HERC6: variants seen among roughly 807,000 people sequenced by gnomAD.
HERC6 encodes probable E3 ubiquitin-protein ligase HERC6.
HERC6 carries 101 observed loss-of-function variants against 114.5 expected under a neutral mutation model. That is an observed-to-expected ratio of 0.88 (90% CI 0.75 to 1.04). The LOEUF (loss-of-function observed/expected upper bound fraction) is 1.04, where lower values mean the gene tolerates loss of function less well. Ranked by LOEUF, HERC6 falls within the 50% of genes least tolerant of loss-of-function variation. The pLI, the probability that HERC6 is intolerant of heterozygous loss-of-function variation, is 0.00. For missense variants in HERC6, 1,133 were observed against 1,230.9 expected (o/e 0.92, Z 1.19); for synonymous variants, 408 against 436.2 (o/e 0.94, Z 0.81).
chr4:88,419,674 G>A (rs1306777108), intron 13 of HERC6, among the ~76,000 whole-genome samples: 4 of 152,050 alleles, frequency 2.6e-5, no homozygotes, highest in Non-Finnish European at 1.5e-5. Context: ...GATACCTGAA[G>A]GATTTATGCT....
At chr4:88,383,519 A>C in intron 2 of HERC6, 139 bp downstream of exon 2, 1 of 619,202 alleles carries the variant, frequency 1.6e-6, no homozygotes, top group Non-Finnish European at 2.5e-6. Flanking sequence ...AACACTTTGG[A>C]AGGCTAAGGT....
In HERC6 at chr4:88,442,740, C is replaced by T. The variant is rs1459078135; in HGVS notation, c.*280C>T. Reference sequence around the variant, plus strand: ...GCCTGTGATTGGTCCATTCCAGGACCTTCATTTGCATAAGGTATCAAACCA... The same window carrying T: ...GCCTGTGATTGGTCCATTCCAGGACTTTCATTTGCATAAGGTATCAAACCA... On this transcript the variant is annotated 3_prime_UTR_variant, in exon 23 of 23. Coordinates refer to ENST00000264346, the MANE Select transcript of HERC6 (RefSeq NM_017912.4). 6.6e-6 allele frequency: 3 copies of T among 451,396 alleles called. No individual in the cohort carries two copies. The highest frequency in any genetic ancestry group is 7.0e-5 in the Admixed American group (2 of 28,776). 28.0% of individuals were successfully genotyped at this position (451,396 alleles called of 1,614,324 possible). A position where few individuals can be genotyped will look rare whatever the true frequency, so the allele number is the denominator to read the frequency against.
chr4:88,397,128 T>G (rs1475986318), intron 7 of HERC6, 141 bp downstream of exon 7: 1 of 673,512 alleles, frequency 1.5e-6, no homozygotes. Flanking sequence ...TTATTTTTTT[T>G]TGAGATGGAG....
At chr4:88,394,474 CAAAAAAAAAAA>C (rs781425955) in intron 5 of HERC6, among the ~76,000 whole-genome samples, 6 of 42,898 alleles carry the variant, frequency 1.4e-4, no homozygotes, top group Non-Finnish European at 2.8e-4. Flanking sequence ...CTCTCCTGTC[CAAAAAAAAAAA>C]AAAAAAAAAA....
intron 17 of HERC6, 26 bp downstream of exon 17, chr4:88,431,331 C>A: frequency 1.3e-6 from 2 of 1,572,958 alleles, no homozygotes; most frequent in Non-Finnish European, 1.7e-6. Context: ...TTTTTTTTTC[C>A]CCCAGAACAG....
Position 88,394,691 on chromosome 4 carries a change from T to C in HERC6, c.759+1109T>C, listed in dbSNP as rs980852852. ...TCCCAAGTGGCTGGGATTACAGGCG[T>C]GTGCCACCACGCCTGGCTAATTTTT... On this transcript the variant is annotated intron_variant, in intron 5 of 22. Coordinates refer to ENST00000264346, the MANE Select transcript of HERC6 (RefSeq NM_017912.4). Among the ~76,000 whole-genome samples, 25 of 151,268 alleles carry C rather than the reference T, an allele frequency of 1.7e-4. 1 individual carries two copies. The South Asian group carries it at 5.2e-3, about 32-fold the overall frequency.
chr4:88,388,624 C>T (rs1734726746), intron 3 of HERC6, among the ~76,000 whole-genome samples: 1 of 151,346 alleles, frequency 6.6e-6, no homozygotes, highest in Non-Finnish European at 1.5e-5. Context: ...TAGGGGAGAA[C>T]CATAGAGCAA....
chr4:88,441,428 T>C (rs891750817), intron 22 of HERC6, among the ~76,000 whole-genome samples: 1 of 152,186 alleles, frequency 6.6e-6, no homozygotes, highest in Non-Finnish European at 1.5e-5. Flanking sequence ...TTGGAGCATT[T>C]AGTAGCTTGC....
intron 2 of HERC6, 43 bp from the exon 3 acceptor site, chr4:88,385,456 C>A: frequency 1.1e-6 from 1 of 952,026 alleles, no homozygotes; most frequent in Non-Finnish European, 1.6e-6. Context: ...GGACAACTCG[C>A]TCTAAATAAG....
chr4:88,385,657 T>G, intron 3 of HERC6, 82 bp downstream of exon 3: 1 of 671,420 alleles, frequency 1.5e-6, no homozygotes, highest in Non-Finnish European at 2.5e-6. Flanking sequence ...TTTAATGCAC[T>G]GGGGTTCATT....
At chr4:88,423,645 C>T (rs1214480161) in intron 13 of HERC6, among the ~76,000 whole-genome samples, 4 of 152,256 alleles carry the variant, frequency 2.6e-5, no homozygotes, top group African/African-American at 9.6e-5. Flanking sequence ...ACACTGTCAG[C>T]GTCTTATCTT....
intron 8 of HERC6, among the ~76,000 whole-genome samples, chr4:88,400,542 T>C (rs936604332): frequency 3.3e-5 from 5 of 152,162 alleles, no homozygotes; most frequent in African/African-American, 1.2e-4. Flanking sequence ...ACAGTTTCAG[T>C]TATCCACATT....
At position 88,378,878 on chromosome 4, in the gene HERC6, G is replaced by C. The variant is rs1733991969; in HGVS notation, c.-44G>C. 2.0e-6 allele frequency: 3 copies of C among 1,511,540 alleles called. No individual in the cohort carries two copies. The allele number at this position is 1,511,540 out of a possible 1,614,324, so 93.6% of individuals were successfully genotyped here. On this transcript the variant is annotated 5_prime_UTR_variant, in exon 1 of 23. Coordinates refer to ENST00000264346, the MANE Select transcript of HERC6 (RefSeq NM_017912.4). ...CCAGCGTTCGGGAGCCTGTCGCAGCGGGACCGACGGAATCCGGAGCAGGCG... is the reference window on the plus strand; with the variant it reads ...CCAGCGTTCGGGAGCCTGTCGCAGCCGGACCGACGGAATCCGGAGCAGGCG...
intron 22 of HERC6, among the ~76,000 whole-genome samples, chr4:88,442,024 TG>T (rs1253203003): frequency 6.6e-5 from 10 of 152,214 alleles, no homozygotes; most frequent in Admixed American, 6.5e-4. Context: ...TATCTTTTCA[TG>T]CATATAATTT....
At position 88,378,974 on chromosome 4, in the gene HERC6, C is replaced by A. The variant is rs968799039; in HGVS notation, c.53C>A (p.Ala18Glu). 6.3e-7 allele frequency: 1 copy of A among 1,583,436 alleles called. No individual in the cohort carries two copies. The highest frequency in any genetic ancestry group is 8.6e-7 in the Non-Finnish European group (1 of 1,166,292). ...AGGGAGCTGCAGCGCCGGAGGACGG[C>A]GGGCAGCCCCGGGGCTGAGCTACTG... ...DSRELQRRRT[A>E]GSPGAELLQA... The change falls in exon 1 of 23, where the codon GCG (alanine) becomes GAG (glutamate). Residue 18 changes from alanine (A) to glutamate (E), a missense_variant. Physicochemically the swap from Ala to Glu is moderately radical, Grantham distance 107. Around this residue, in one of 3 missense-constraint regions of HERC6, gnomAD observed 735 missense variants for 754.0 expected, o/e 0.97. Coordinates refer to ENST00000264346, the MANE Select transcript of HERC6 (RefSeq NM_017912.4).
At position 88,434,497 on chromosome 4, in the gene HERC6, G is replaced by A. The variant is rs112058517; in HGVS notation, c.2251-1228G>A. Among the ~76,000 whole-genome samples the A allele has an allele frequency of 9.6e-3, 1,463 of 152,254 alleles. 12 individuals are homozygous for A. Among genetic ancestry groups the A allele is most frequent in the African/African-American group, 0.032 (1,348 of 41,530 alleles). On this transcript the variant is annotated intron_variant, in intron 17 of 22. Transcript: ENST00000264346. ...CGAAGGCCTGAGGTTGAAGGTTAAG[G>A]AATGGGATGAAATGAACTAAAGAGA...
rs1239583273 is a variant in HERC6 at position 88,390,743 on chromosome 4, G to A, written c.528G>A (p.Arg176=). 9 of 1,614,216 alleles carry A rather than the reference G, an allele frequency of 5.6e-6. No homozygotes were observed. Among genetic ancestry groups the A allele is most frequent in the Admixed American group, 1.7e-5 (1 of 60,026 alleles). The change falls in exon 4 of 23, where the codon AGG becomes AGA. Residue 176 remains arginine (R), a synonymous_variant. Coordinates refer to ENST00000264346, the MANE Select transcript of HERC6 (RefSeq NM_017912.4). The stretch of plus-strand genomic sequence containing the variant: ...CCCAAGCCAGCCCGCAGAGGGTGAG[G>A]TCCCTGGAGGGGATCCCACTGGCTC... ...FPSQASPQRV[R]SLEGIPLAQV... is the part of the protein sequence containing the mutation.
At chr4:88,440,404 C>T (rs1259935781) in intron 22 of HERC6, 154 bp downstream of exon 22, 9 of 601,378 alleles carry the variant, frequency 1.5e-5, no homozygotes, top group Admixed American at 3.0e-5. Flanking sequence ...CATGGACACA[C>T]ACAAAGGGTG....
intron 12 of HERC6, 27 bp from the exon 13 acceptor site, chr4:88,417,398 T>G (rs932736215): frequency 6.3e-7 from 1 of 1,596,732 alleles, no homozygotes; most frequent in African/African-American, 1.3e-5. Flanking sequence ...AAAAACATAT[T>G]TATCATGGCT....
Sources: gnomAD v4.1 joint callset for allele counts (sites outside exome capture counted in the v4.1 genomes callset) on GRCh38, gnomAD v4.1.1 for gene constraint, gnomAD v4.1.1 regional missense constraint, MANE v1.5 for transcripts, NCBI Gene and HGNC (gene_info 2026-07-23, HGNC 2026-07-21) for gene names.